Variants in PRKAA2 observed in about 807,000 individuals in gnomAD.
PRKAA2 encodes the protein protein kinase AMP-activated catalytic subunit alpha 2, also known as 5'-AMP-activated protein kinase catalytic subunit alpha-2.
PRKAA2 carries 40 observed loss-of-function variants against 56.3 expected under a neutral mutation model. The ratio of observed to expected loss-of-function variants is 0.71; its 90% CI spans 0.55 to 0.92. The LOEUF is 0.92. PRKAA2 is among the 40% of genes least tolerant of loss of function. The pLI, the probability that PRKAA2 is intolerant of heterozygous loss-of-function variation, is 0.00. For synonymous variants in PRKAA2, 214 were observed against 234.2 expected (o/e 0.91, Z 0.79); for missense variants, 542 against 686.9 (o/e 0.79, Z 2.36).
At chr1:56,668,281 G>A (rs1279199506) in intron 1 of PRKAA2, among the ~76,000 whole-genome samples, 5 of 142,460 alleles carry the variant, frequency 3.5e-5, no homozygotes, top group Non-Finnish European at 7.6e-5. Context: ...GGGGGAGGGG[G>A]GAGGGATAGC....
rs41285004 is a variant in PRKAA2 at position 56,704,121 on chromosome 1, T to C, written c.939T>C (p.Ser313=). The C allele has an allele frequency of 4.3e-3, 6,899 of 1,614,184 alleles. 25 individuals are homozygous for C. Among genetic ancestry groups the C allele is most frequent in the Non-Finnish European group, 4.9e-3 (5,815 of 1,180,020 alleles). ...TESEVMNSLY[S]GDPQDQLAVA... ...CAGAAGTAATGAACAGTTTATATAG[T>C]GGTGACCCTCAAGACCAGCTTGCAG... The change falls in exon 7 of 9, where the codon AGT becomes AGC. Residue 313 remains serine, a synonymous_variant. Transcript: ENST00000371244.
chr1:56,673,100 A>G (rs1481348414), intron 1 of PRKAA2, among the ~76,000 whole-genome samples: 1 of 152,020 alleles, frequency 6.6e-6, no homozygotes, highest in Admixed American at 6.6e-5. Context: ...GATAGAGGAA[A>G]TTGGGGTTCA....
At chr1:56,693,270 A>G (rs564735082) in intron 4 of PRKAA2, among the ~76,000 whole-genome samples, 75 of 152,244 alleles carry the variant, frequency 4.9e-4, no homozygotes, top group Non-Finnish European at 8.1e-4. Context: ...TTTTGGTTCA[A>G]TAGATTATTT....
At chr1:56,669,621 C>T (rs1208556353) in intron 1 of PRKAA2, among the ~76,000 whole-genome samples, 1 of 152,156 alleles carries the variant, frequency 6.6e-6, no homozygotes, top group Non-Finnish European at 1.5e-5. Context: ...TTATTGCCAG[C>T]ATCTGTGTTC....
chr1:56,709,241 A>G lies in PRKAA2; in HGVS notation c.*1528A>G, dbSNP rs1248541961. On this transcript the variant is annotated 3_prime_UTR_variant, in exon 9 of 9. Coordinates refer to ENST00000371244, the MANE Select transcript of PRKAA2 (RefSeq NM_006252.4). ...GCCAAGAAGCAAATGAGAATGTTAG[A>G]CTAAGTTTCTCCTGTGTTAGTGGAA... 1 of 152,152 alleles carries G rather than the reference A, an allele frequency of 6.6e-6. No homozygotes were observed. Among genetic ancestry groups the G allele is most frequent in the Non-Finnish European group, 1.5e-5 (1 of 68,010 alleles). 9.4% of individuals were successfully genotyped at this position (152,152 alleles called of 1,614,324 possible). A position where few individuals can be genotyped will look rare whatever the true frequency, so the allele number is the denominator to read the frequency against.
intron 2 of PRKAA2, among the ~76,000 whole-genome samples, chr1:56,685,162 A>G (rs532252672): frequency 6.6e-6 from 1 of 152,302 alleles, no homozygotes; most frequent in South Asian, 2.1e-4. Context: ...CGGTTACCAA[A>G]GATATGAGTA....
chr1:56,711,642 T>A lies in PRKAA2; in HGVS notation c.*3929T>A, dbSNP rs574274074. 3 of 152,256 alleles carry A rather than the reference T, an allele frequency of 2.0e-5. No individual in the cohort carries two copies. Among genetic ancestry groups the A allele is most frequent in the African/African-American group, 7.2e-5 (3 of 41,572 alleles). The allele number at this position is 152,256 out of a possible 1,614,324, so 9.4% of individuals were successfully genotyped here. A position where few individuals can be genotyped will look rare whatever the true frequency, so the allele number is the denominator to read the frequency against. ...GTGGCTTTTTAAATAGGGAATGTAA[T>A]TTATTTTAATAGTAGTTCTCAAAGA... On this transcript the variant is annotated 3_prime_UTR_variant, in exon 9 of 9. Transcript: ENST00000371244.
chr1:56,696,190 A>G, intron 6 of PRKAA2, 31 bp downstream of exon 6: 1 of 1,551,338 alleles, frequency 6.4e-7, no homozygotes, highest in South Asian at 1.1e-5. Flanking sequence ...TGTTCTGCAT[A>G]TTTTCTCATA....
In PRKAA2 at chr1:56,645,339, G is replaced by C; in HGVS notation, c.-49G>C. ...GCACTGTGGGTAGGCGGCGGCGGCG[G>C]CGGCTACGCGGAGCGGCAGGCGGTG... On this transcript the variant is annotated 5_prime_UTR_variant, in exon 1 of 9. Transcript: ENST00000371244. The C allele has an allele frequency of 7.1e-7, 1 of 1,402,838 alleles. No individual in the cohort carries two copies. The highest frequency in any genetic ancestry group is 9.4e-7 in the Non-Finnish European group (1 of 1,061,288). 86.9% of individuals were successfully genotyped at this position (1,402,838 alleles called of 1,614,324 possible).
intron 2 of PRKAA2, among the ~76,000 whole-genome samples, chr1:56,676,981 G>A (rs954528370): frequency 2.6e-5 from 4 of 152,120 alleles, no homozygotes; most frequent in Non-Finnish European, 5.9e-5. Context: ...GAAATTGCAT[G>A]GCAGTACTTG....
chr1:56,654,888 C>T (rs1643928133), intron 1 of PRKAA2, among the ~76,000 whole-genome samples: 1 of 151,942 alleles, frequency 6.6e-6, no homozygotes, highest in South Asian at 2.1e-4. Context: ...TCTTTTTAAT[C>T]TGCCATTAGA....
chr1:56,702,303 G>A (rs1307631087), intron 6 of PRKAA2, among the ~76,000 whole-genome samples: 2 of 152,024 alleles, frequency 1.3e-5, no homozygotes, highest in Admixed American at 6.5e-5. Context: ...GGCCGGTCTC[G>A]AACTCCCGAC....
At chr1:56,678,283 A>G (rs145619593) in intron 2 of PRKAA2, among the ~76,000 whole-genome samples, 75 of 152,346 alleles carry the variant, frequency 4.9e-4, no homozygotes, top group African/African-American at 1.7e-3. Flanking sequence ...GCTTATTGAC[A>G]TCGTCTGTAA....
At chr1:56,664,855 T>C (rs1478988074) in intron 1 of PRKAA2, among the ~76,000 whole-genome samples, 1 of 139,838 alleles carries the variant, frequency 7.2e-6, no homozygotes, top group South Asian at 2.6e-4. Context: ...AGTATATGTG[T>C]ACACACACAC....
intron 1 of PRKAA2, among the ~76,000 whole-genome samples, chr1:56,661,159 T>C (rs1328671471): frequency 6.6e-6 from 1 of 152,170 alleles, no homozygotes; most frequent in Non-Finnish European, 1.5e-5. Flanking sequence ...ATCTCTTGGC[T>C]CGTCACAGCT....
chr1:56,667,830 T>G (rs942424743), intron 1 of PRKAA2, among the ~76,000 whole-genome samples: 1 of 152,200 alleles, frequency 6.6e-6, no homozygotes, highest in Non-Finnish European at 1.5e-5. Flanking sequence ...AATTGACTTC[T>G]GTAGACACCC....
chr1:56,697,826 A>AT (rs1488431112), intron 6 of PRKAA2, among the ~76,000 whole-genome samples: 4 of 151,342 alleles, frequency 2.6e-5, no homozygotes, highest in Non-Finnish European at 5.9e-5. Flanking sequence ...TTAAAAAAAA[A>AT]GTCAAATGGT....
chr1:56,706,957 GT>G, intron 8 of PRKAA2, among the ~76,000 whole-genome samples: 1 of 152,126 alleles, frequency 6.6e-6, no homozygotes, highest in East Asian at 1.9e-4. Context: ...GAAATTACAT[GT>G]TGTTGTTATT....
intron 1 of PRKAA2, among the ~76,000 whole-genome samples, chr1:56,655,403 C>A (rs557621828): frequency 5.4e-5 from 6 of 110,350 alleles, no homozygotes; most frequent in Non-Finnish European, 9.2e-5. Context: ...ACATGAGCCA[C>A]CATGCCCAGC....
Sources: gnomAD v4.1 joint callset for allele counts (sites outside exome capture counted in the v4.1 genomes callset) on GRCh38, gnomAD v4.1.1 for gene constraint, MANE v1.5 for transcripts, NCBI Gene and HGNC (gene_info 2026-07-23, HGNC 2026-07-21) for gene names.